Variants in ZSCAN25 observed in about 807,000 individuals in gnomAD.
ZSCAN25 encodes the protein zinc finger and SCAN domain containing 25, also known as zinc finger and SCAN domain-containing protein 25.
A neutral mutation model predicts 38.7 loss-of-function variants in ZSCAN25; 27 were observed. The ratio of observed to expected loss-of-function variants is 0.70; its 90% CI spans 0.51 to 0.96. The LOEUF (loss-of-function observed/expected upper bound fraction) is 0.96, where lower values mean the gene tolerates loss of function less well. ZSCAN25 is among the 40% of genes least tolerant of loss of function. The pLI is 0.00. For synonymous variants in ZSCAN25, 273 were observed against 277.7 expected, an observed-to-expected ratio of 0.98 and a Z score of 0.17; for missense variants, 637 against 705.9, an observed-to-expected ratio of 0.90 and a Z score of 1.11.
the ZSCAN25 span, among the ~76,000 whole-genome samples, chr7:99,728,545 A>G: frequency 6.6e-6 from 1 of 152,050 alleles, no homozygotes; most frequent in East Asian, 1.9e-4. Flanking sequence ...TTCACTTTGC[A>G]TTTCCAGTTT....
chr7:99,657,069 T>G, the ZSCAN25 span, among the ~76,000 whole-genome samples: 1 of 152,228 alleles, frequency 6.6e-6, no homozygotes, highest in Non-Finnish European at 1.5e-5. Flanking sequence ...GGTTTTTTTG[T>G]GTCTCTGTTT....
At chr7:99,705,161 G>A in the ZSCAN25 span, 1 of 252,248 alleles carries the variant, frequency 4.0e-6, no homozygotes, top group African/African-American at 2.2e-5. Flanking sequence ...TTTTATTAAT[G>A]ATTGTGGTTG....
intron 7 of ZSCAN25, among the ~76,000 whole-genome samples, chr7:99,627,552 A>C (rs1483343620): frequency 6.6e-6 from 1 of 152,212 alleles, no homozygotes; most frequent in Non-Finnish European, 1.5e-5. Context: ...CGTCACAAAC[A>C]TGATATTGAG....
At chr7:99,632,888 T>A (rs1808099818), downstream of ZSCAN25, among the ~76,000 whole-genome samples, 4 of 152,236 alleles carry the variant, frequency 2.6e-5, no homozygotes, top group Admixed American at 2.6e-4. Context: ...CTCTTAAGGC[T>A]TATAATCTGT....
At chr7:99,717,541 G>T in the ZSCAN25 span, 4 of 1,613,578 alleles carry the variant, frequency 2.5e-6, no homozygotes, top group East Asian at 4.5e-5. Context: ...TGAGTTTTCC[G>T]CTGGTGAATG....
chr7:99,667,580 A>G, the ZSCAN25 span, among the ~76,000 whole-genome samples: 1 of 152,332 alleles, frequency 6.6e-6, no homozygotes, highest in Non-Finnish European at 1.5e-5. Context: ...GAATAATGCA[A>G]TTTCCTTGAA....
the ZSCAN25 span, chr7:99,676,624 G>A: frequency 8.6e-7 from 1 of 1,167,620 alleles, no homozygotes; most frequent in Non-Finnish European, 1.2e-6. Flanking sequence ...CTGATGATGA[G>A]ATTTTGCATC....
the ZSCAN25 span, chr7:99,638,236 C>G: frequency 4.6e-5 from 71 of 1,544,244 alleles, no homozygotes; most frequent in Non-Finnish European, 6.0e-5. Flanking sequence ...GTGGAGAATG[C>G]TCATTAAGAT....
At chr7:99,661,167 C>A in the ZSCAN25 span, among the ~76,000 whole-genome samples, 1 of 152,056 alleles carries the variant, frequency 6.6e-6, no homozygotes, top group African/African-American at 2.4e-5. Context: ...CTTAAAGGAC[C>A]AATACTGAGC....
At chr7:99,662,887 A>T in the ZSCAN25 span, 1 of 1,613,708 alleles carries the variant, frequency 6.2e-7, no homozygotes, top group Non-Finnish European at 8.5e-7. This position sits in a 1 kb window ranked among gnomAD's most constrained non-coding sequence, Gnocchi z 4.3. Flanking sequence ...TCGGTGCTAG[A>T]AGCAAAAGGA....
the ZSCAN25 span, chr7:99,660,744 ATCCC>A: frequency 6.7e-7 from 1 of 1,495,390 alleles, no homozygotes; most frequent in Admixed American, 2.0e-5. Flanking sequence ...AAGCTCTCTA[ATCCC>A]AAGAAGAAAA....
chr7:99,729,671 C>A, the ZSCAN25 span, among the ~76,000 whole-genome samples: 63 of 152,260 alleles, frequency 4.1e-4, no homozygotes, highest in Non-Finnish European at 8.1e-4. Flanking sequence ...ATTGATCAAT[C>A]AACCTGGTGA....
Position 99,631,945 on chromosome 7 carries a change from G to A in ZSCAN25, c.*1925G>A, listed in dbSNP as rs1808034114. The A allele has an allele frequency of 1.0e-6, 1 of 985,388 alleles. No homozygotes were observed. Among genetic ancestry groups the A allele is most frequent in the African/African-American group, 1.7e-5 (1 of 57,246 alleles). The allele number at this position is 985,388 out of a possible 1,614,324, so 61.0% of individuals were successfully genotyped here. ...GCTAGGCAGGGCTGACAGCCAGGCA[G>A]ACTCAGTGGGAGGCTTCTGGCCTGA... On this transcript the variant is annotated 3_prime_UTR_variant, in exon 8 of 8. Coordinates refer to ENST00000394152, the MANE Select transcript of ZSCAN25 (RefSeq NM_145115.3).
downstream of ZSCAN25, among the ~76,000 whole-genome samples, chr7:99,632,989 G>GTTGTTTTTTTTTTTTTTTTTTTTTTTTTT (rs1554412109): frequency 1.8e-4 from 23 of 128,552 alleles, no homozygotes; most frequent in African/African-American, 5.1e-4. Flanking sequence ...ATTTTCTGTT[G>GTTGTTTTTTTTTTTTTTTTTTTTTTTTTT]TTTTTTTTTT....
At chr7:99,655,485 TGTA>T in the ZSCAN25 span, among the ~76,000 whole-genome samples, 1 of 152,190 alleles carries the variant, frequency 6.6e-6, no homozygotes, top group Non-Finnish European at 1.5e-5. Flanking sequence ...ACTGTAGCCT[TGTA>T]GTATAGTTTG....
At chr7:99,665,875 G>A in the ZSCAN25 span, among the ~76,000 whole-genome samples, 34 of 152,236 alleles carry the variant, frequency 2.2e-4, no homozygotes, top group South Asian at 5.8e-3. Flanking sequence ...CTGAAGTTGC[G>A]CTGAGAGCAG....
chr7:99,630,073 T>G lies in ZSCAN25; in HGVS notation c.*53T>G. 1.4e-6 allele frequency: 2 copies of G among 1,462,184 alleles called. No homozygotes were observed. The highest frequency in any genetic ancestry group is 2.6e-5 in the Admixed American group (1 of 37,890). 90.6% of individuals were successfully genotyped at this position (1,462,184 alleles called of 1,614,324 possible). On this transcript the variant is annotated 3_prime_UTR_variant, in exon 8 of 8. Transcript: ENST00000394152. Reference sequence around the variant, plus strand: ...ATTCATCTTTCTCACTGCAGGGCCTTGCGGGGTGCAAGGTGATGGCTGCAG... The same window carrying G: ...ATTCATCTTTCTCACTGCAGGGCCTGGCGGGGTGCAAGGTGATGGCTGCAG...
the ZSCAN25 span, among the ~76,000 whole-genome samples, chr7:99,680,317 C>G: frequency 1.3e-5 from 2 of 152,318 alleles, no homozygotes; most frequent in South Asian, 4.1e-4. Flanking sequence ...GAAATTCCCT[C>G]TGCCTGGAGT....
the ZSCAN25 span, chr7:99,715,639 T>C: frequency 2.6e-6 from 4 of 1,538,726 alleles, no homozygotes; most frequent in African/African-American, 4.1e-5. Flanking sequence ...TATCTTCAAA[T>C]GTACTACAAA....
Sources: gnomAD v4.1 joint callset for allele counts (sites outside exome capture counted in the v4.1 genomes callset) on GRCh38, gnomAD v4.1.1 for gene constraint, Gnocchi (gnomAD v3.1) non-coding constraint, MANE v1.5 for transcripts, NCBI Gene and HGNC (gene_info 2026-07-23, HGNC 2026-07-21) for gene names.